The following DDAH1 variants were observed in gnomAD, a reference collection of about 807,000 sequenced individuals.
The protein encoded by DDAH1 is N(G),N(G)-dimethylarginine dimethylaminohydrolase 1.
DDAH1 carries 19 observed loss-of-function variants against 28.8 expected under a neutral mutation model. The observed-to-expected ratio is 0.66, with a 90% confidence interval of 0.46 to 0.97. DDAH1 has a LOEUF of 0.97. DDAH1 is among the 50% of genes least tolerant of loss of function. DDAH1 has a pLI of 0.00. For missense variants in DDAH1, 326 were observed against 375.9 expected, an observed-to-expected ratio of 0.87 and a Z score of 1.10; for synonymous variants, 153 against 154.4, an observed-to-expected ratio of 0.99 and a Z score of 0.07.
At chr1:85,474,056 A>T (rs1215810625) in intron 2 of DDAH1, among the ~76,000 whole-genome samples, 6 of 152,068 alleles carry the variant, frequency 3.9e-5, no homozygotes, top group Admixed American at 2.6e-4. Flanking sequence ...TCCCTATTCC[A>T]TTCATACTGG....
At chr1:85,340,378 C>A (rs1648402186) in intron 4 of DDAH1, among the ~76,000 whole-genome samples, 1 of 152,166 alleles carries the variant, frequency 6.6e-6, no homozygotes, top group Non-Finnish European at 1.5e-5. Flanking sequence ...AGTTTAAACT[C>A]TTTTCCAAAA....
chr1:85,363,711 A>G (rs981244769), intron 1 of DDAH1, among the ~76,000 whole-genome samples: 9 of 152,208 alleles, frequency 5.9e-5, no homozygotes, highest in Admixed American at 3.9e-4. Context: ...GTCTGAGGTC[A>G]TATTCAAAAG....
At chr1:85,489,087 C>T (rs1192661231) in intron 2 of DDAH1, among the ~76,000 whole-genome samples, 1 of 152,156 alleles carries the variant, frequency 6.6e-6, no homozygotes, top group Non-Finnish European at 1.5e-5. Context: ...TCTAGCCATT[C>T]TAAACATGTT....
intron 1 of DDAH1, among the ~76,000 whole-genome samples, chr1:85,535,734 CAAAGT>C (rs1454538937): frequency 3.2e-5 from 4 of 126,306 alleles, no homozygotes; most frequent in African/African-American, 6.1e-5. Flanking sequence ...AAATTATTAA[CAAAGT>C]AAAGACACTA....
chr1:85,398,611 G>C (rs1022672769), intron 1 of DDAH1: 1 of 152,178 alleles, frequency 6.6e-6, no homozygotes, highest in Non-Finnish European at 1.5e-5. Flanking sequence ...GAGTTCACCA[G>C]AATATCTAAC....
At chr1:85,541,144 G>A (rs781275047) in intron 1 of DDAH1, among the ~76,000 whole-genome samples, 3 of 152,058 alleles carry the variant, frequency 2.0e-5, no homozygotes, top group East Asian at 1.9e-4. Flanking sequence ...TTGAGATGTC[G>A]TGTTTCAAGA....
At chr1:85,553,870 A>G (rs1447608284) in intron 1 of DDAH1, among the ~76,000 whole-genome samples, 1 of 152,180 alleles carries the variant, frequency 6.6e-6, no homozygotes, top group East Asian at 1.9e-4. Context: ...AAGGCTGCAG[A>G]GTTGGAGCTA....
intron 1 of DDAH1, among the ~76,000 whole-genome samples, chr1:85,438,286 C>T (rs2100648172): frequency 6.6e-6 from 1 of 152,096 alleles, no homozygotes; most frequent in East Asian, 1.9e-4. Context: ...ATGCAATTTA[C>T]CCTGTAACCA....
At chr1:85,330,430 T>C (rs766713200) in intron 4 of DDAH1, among the ~76,000 whole-genome samples, 1 of 152,202 alleles carries the variant, frequency 6.6e-6, no homozygotes, top group Non-Finnish European at 1.5e-5. Flanking sequence ...TAAAAAAGCA[T>C]GGAGGAGGTG....
chr1:85,529,554 C>T lies in DDAH1; in HGVS notation c.-122-33273G>A, dbSNP rs1437043421. ...AAGCACTGCACAAACTTCTCCCCAA[C>T]CAAGAGCAGGGAATTCTGAGTACAC... is the stretch of plus-strand genomic sequence containing the variant. On this transcript the variant is annotated intron_variant, in intron 1 of 6. Coordinates refer to the DDAH1 transcript ENST00000426972. 2.1e-4 allele frequency among the ~76,000 whole-genome samples: 30 copies of T among 142,738 alleles called. 2 individuals carry two copies. Among genetic ancestry groups the T allele is most frequent in the African/African-American group, 7.9e-4 (30 of 38,214 alleles). 93.6% of individuals were successfully genotyped at this position (142,738 alleles called of 152,430 possible).
intron 4 of DDAH1, among the ~76,000 whole-genome samples, chr1:85,344,719 A>T (rs1648734525): frequency 6.6e-6 from 1 of 152,198 alleles, no homozygotes. Context: ...CCTGAGGCAG[A>T]TATTACTATC....
chr1:85,470,989 G>A (rs1655598538), intron 2 of DDAH1, among the ~76,000 whole-genome samples: 1 of 152,176 alleles, frequency 6.6e-6, no homozygotes, highest in Admixed American at 6.5e-5. Flanking sequence ...GTGTACCCAA[G>A]ACCCGTGTTT....
At chr1:85,467,079 C>T (rs559751029), upstream of DDAH1, among the ~76,000 whole-genome samples, 19 of 152,172 alleles carry the variant, frequency 1.2e-4, no homozygotes, top group African/African-American at 4.6e-4. Flanking sequence ...TGAGGTGATC[C>T]GCCTGCCTCG....
At chr1:85,472,754 TGC>T (rs1445167642) in intron 2 of DDAH1, among the ~76,000 whole-genome samples, 8 of 152,148 alleles carry the variant, frequency 5.3e-5, no homozygotes, top group Non-Finnish European at 1.2e-4. Context: ...CGGGTACATG[TGC>T]GGGTTTGTGA....
chr1:85,427,569 G>C (rs928384163), intron 1 of DDAH1, among the ~76,000 whole-genome samples: 1 of 152,160 alleles, frequency 6.6e-6, no homozygotes, highest in African/African-American at 2.4e-5. Flanking sequence ...AGTCTATGCA[G>C]AGCCAGCTCA....
intron 1 of DDAH1, among the ~76,000 whole-genome samples, chr1:85,503,420 C>T (rs146129870): frequency 0.017 from 2,519 of 152,174 alleles, 72 homozygotes; most frequent in African/African-American, 0.057. Flanking sequence ...AGGCTGGTCT[C>T]GAACTCCTGA....
chr1:85,546,554 C>A (rs1276033597), intron 1 of DDAH1, among the ~76,000 whole-genome samples: 2 of 152,094 alleles, frequency 1.3e-5, no homozygotes, highest in Non-Finnish European at 2.9e-5. Context: ...GAACAGAAGG[C>A]AAACAACACT....
intron 1 of DDAH1, among the ~76,000 whole-genome samples, chr1:85,518,350 G>T (rs1236887129): frequency 6.6e-6 from 1 of 152,176 alleles, no homozygotes; most frequent in African/African-American, 2.4e-5. Flanking sequence ...GGGCAGGGTT[G>T]CACTCCTTCC....
chr1:85,480,929 A>G (rs1655989311), intron 2 of DDAH1, among the ~76,000 whole-genome samples: 1 of 151,888 alleles, frequency 6.6e-6, no homozygotes, highest in Non-Finnish European at 1.5e-5. Context: ...CAGTTTAATG[A>G]CATATATAGG....
Sources: gnomAD v4.1 joint callset for allele counts (sites outside exome capture counted in the v4.1 genomes callset) on GRCh38, gnomAD v4.1.1 for gene constraint, MANE v1.5 for transcripts, NCBI Gene and HGNC (gene_info 2026-07-23, HGNC 2026-07-21) for gene names.